Variants in MTMR1 observed in about 807,000 individuals in gnomAD.
MTMR1 encodes phosphatidylinositol-3-phosphate phosphatase MTMR1.
MTMR1 carries 17 observed loss-of-function variants against 51.6 expected under a neutral mutation model. The observed-to-expected ratio is 0.33, with a 90% confidence interval of 0.23 to 0.49. MTMR1 has a LOEUF of 0.49. MTMR1 is among the 20% of genes least tolerant of loss of function. MTMR1 has a pLI of 0.99. For synonymous variants in MTMR1, 201 were observed against 205.6 expected (o/e 0.98, Z 0.19); for missense variants, 386 against 526.9 (o/e 0.73, Z 2.62).
chrX:150,762,751 T>C lies in MTMR1; in HGVS notation c.*22T>C. 1 of 1,150,753 alleles carries C rather than the reference T, an allele frequency of 8.7e-7. No individual in the cohort carries two copies. The allele number at this position is 1,150,753 out of a possible 1,213,427, so 94.8% of individuals were successfully genotyped here. On this transcript the variant is annotated 3_prime_UTR_variant, in exon 16 of 16. Coordinates refer to ENST00000445323, the MANE Select transcript of MTMR1 (RefSeq NM_001306144.3). Reference sequence around the variant, plus strand: ...CTGATGGGCGAGGTCAGCCTGCTGCTCCACTGTCTCCCGGTGGCTCAGGAA... The same window carrying C: ...CTGATGGGCGAGGTCAGCCTGCTGCCCCACTGTCTCCCGGTGGCTCAGGAA...
intron 13 of MTMR1, among the ~76,000 whole-genome samples, chrX:150,745,442 A>G (rs180887255): frequency 7.0e-4 from 78 of 111,510 alleles, no homozygotes; most frequent in African/African-American, 2.4e-3. Context: ...CTCTTGATTG[A>G]TCCTCCCGCA....
chrX:150,742,605 A>G (rs905236667), intron 12 of MTMR1, among the ~76,000 whole-genome samples: 1 of 110,398 alleles, frequency 9.1e-6, no homozygotes, highest in South Asian at 3.8e-4. Context: ...TCACGAGGTC[A>G]GGAGATCGAG....
At chrX:150,713,787 C>T (rs1557416300) in intron 3 of MTMR1, among the ~76,000 whole-genome samples, 2 of 111,239 alleles carry the variant, frequency 1.8e-5, no homozygotes, top group African/African-American at 6.5e-5. Context: ...AGATGTGTGG[C>T]CTTTTAGCTG....
intron 13 of MTMR1, among the ~76,000 whole-genome samples, chrX:150,747,996 T>C (rs2042623312): frequency 8.9e-6 from 1 of 112,053 alleles, no homozygotes; most frequent in Non-Finnish European, 1.9e-5. Context: ...AAATCCAACA[T>C]CAAGGCCCCA....
intron 11 of MTMR1, 138 bp downstream of exon 11, chrX:150,736,918 C>G: frequency 6.1e-6 from 4 of 650,642 alleles, no homozygotes; most frequent in Non-Finnish European, 8.8e-6. Context: ...CAGCATCAGA[C>G]TGGGGTCTTT....
chrX:150,740,304 G>A (rs973036819), intron 12 of MTMR1, among the ~76,000 whole-genome samples: 7 of 111,672 alleles, frequency 6.3e-5, no homozygotes, highest in Middle Eastern at 4.7e-3. Flanking sequence ...TCGTGTCACC[G>A]TCATCACTTG....
Position 150,736,796 on chromosome X carries a change from A to T in MTMR1, c.1266+16A>T. On this transcript the variant is annotated intron_variant, in intron 11 of 15. Coordinates refer to ENST00000445323, the MANE Select transcript of MTMR1 (RefSeq NM_001306144.3). ...ATATATAAGGGTAAAGAGATCCAGC[A>T]CTTTATATGCTTTCCAGTTAAGACT... 2.6e-6 allele frequency: 3 copies of T among 1,174,572 alleles called. No homozygotes were observed. The highest frequency in any genetic ancestry group is 3.4e-6 in the Non-Finnish European group (3 of 873,421).
At chrX:150,694,696 C>A (rs2040608882) in intron 1 of MTMR1, among the ~76,000 whole-genome samples, 1 of 112,437 alleles carries the variant, frequency 8.9e-6, no homozygotes, top group South Asian at 3.7e-4. Flanking sequence ...CACTGAAAAC[C>A]AGTCACAGCT....
At chrX:150,716,793 A>G (rs2041533043) in intron 3 of MTMR1, among the ~76,000 whole-genome samples, 1 of 112,814 alleles carries the variant, frequency 8.9e-6, no homozygotes, top group African/African-American at 3.2e-5. Flanking sequence ...AATAAAACAT[A>G]GTGAAATATT....
intron 3 of MTMR1, among the ~76,000 whole-genome samples, chrX:150,716,119 T>C (rs1490217982): frequency 1.8e-5 from 2 of 112,862 alleles, no homozygotes; most frequent in Admixed American, 9.4e-5. Flanking sequence ...TTAGTAATTA[T>C]ATTTCAAAAT....
intron 3 of MTMR1, among the ~76,000 whole-genome samples, chrX:150,715,504 A>G (rs2041477240): frequency 8.9e-6 from 1 of 112,405 alleles, no homozygotes; most frequent in African/African-American, 3.2e-5. Context: ...TGTGCTGAAC[A>G]TGGGTTGGAT....
At position 150,700,651 on chromosome X, in the gene MTMR1, C is replaced by T. The variant is rs148311902; in HGVS notation, c.252+1351C>T. 9.4e-3 allele frequency among the ~76,000 whole-genome samples: 1,062 copies of T among 112,624 alleles called. 16 individuals are homozygous for T. Among genetic ancestry groups the T allele is most frequent in the African/African-American group, 0.032 (984 of 31,002 alleles). ...GGCTGGTCACTGAGCAGCTGCGGATCGCATCAGTTCCAGTTGCCCTATTGC... is the reference window on the plus strand; with the variant it reads ...GGCTGGTCACTGAGCAGCTGCGGATTGCATCAGTTCCAGTTGCCCTATTGC... On this transcript the variant is annotated intron_variant, in intron 2 of 15. Transcript: ENST00000445323.
chrX:150,708,153 G>A (rs1332554964), intron 2 of MTMR1, among the ~76,000 whole-genome samples: 1 of 111,733 alleles, frequency 8.9e-6, no homozygotes. Context: ...TCTGCATCTT[G>A]ATTGTAATCA....
chrX:150,733,273 C>T (rs1557417063), intron 10 of MTMR1, among the ~76,000 whole-genome samples: 1 of 111,657 alleles, frequency 9.0e-6, no homozygotes, highest in Non-Finnish European at 1.9e-5. Flanking sequence ...TGGCCTTCTC[C>T]ATCTCCTTCA....
chrX:150,745,110 TGTC>T (rs2042541032), intron 13 of MTMR1, among the ~76,000 whole-genome samples: 1 of 112,394 alleles, frequency 8.9e-6, no homozygotes, highest in African/African-American at 3.2e-5. Context: ...ACTGTTTTGT[TGTC>T]GTTGTTTTCC....
At chrX:150,695,090 A>G (rs2040623895) in intron 1 of MTMR1, among the ~76,000 whole-genome samples, 1 of 112,216 alleles carries the variant, frequency 8.9e-6, no homozygotes, top group African/African-American at 3.2e-5. Flanking sequence ...CCATACAGAT[A>G]CCTGGGGGTG....
chrX:150,714,570 C>T lies in MTMR1; in HGVS notation c.276+2205C>T, dbSNP rs578154282. The T allele has an allele frequency of 7.5e-4, 693 of 926,688 alleles. 5 individuals are homozygous for T. The South Asian group carries it at 0.012, about 16-fold the overall frequency. 76.4% of individuals were successfully genotyped at this position (926,688 alleles called of 1,213,427 possible). On this transcript the variant is annotated intron_variant, in intron 3 of 15. Transcript: ENST00000445323. Reference sequence around the variant, plus strand: ...TGTTCATCTGTTTGTAGCTACAGATCGTGTATTTAGAAGCCATTTCATTCT... The same window carrying T: ...TGTTCATCTGTTTGTAGCTACAGATTGTGTATTTAGAAGCCATTTCATTCT...
At position 150,731,523 on chromosome X, in the gene MTMR1, C is replaced by T; in HGVS notation, c.795C>T (p.Phe265=). 8.3e-7 allele frequency: 1 copy of T among 1,207,138 alleles called. No homozygotes were observed. Among genetic ancestry groups the T allele is most frequent in the Non-Finnish European group, 1.1e-6 (1 of 892,602 alleles). The change falls in exon 9 of 16, where the codon TTC becomes TTT. Residue 265 remains phenylalanine (F), a synonymous_variant. Coordinates refer to ENST00000445323, the MANE Select transcript of MTMR1 (RefSeq NM_001306144.3). Reference sequence around the variant, plus strand: ...CCAAAATAAACAGTAATTATGAGTTCTGTGACACCTACCCTGCCATCATTG... The same window carrying T: ...CCAAAATAAACAGTAATTATGAGTTTTGTGACACCTACCCTGCCATCATTG... ...KISKINSNYE[F]CDTYPAIIVV...
Position 150,712,365 on chromosome X carries a change from G to T in MTMR1, c.276G>T (p.Arg92Ser), listed in dbSNP as rs2041343275. 8.6e-7 allele frequency: 1 copy of T among 1,164,296 alleles called. No homozygotes were observed. Among genetic ancestry groups the T allele is most frequent in the Admixed American group, 2.6e-5 (1 of 38,603 alleles). The change falls in exon 3 of 16, where the codon AGG becomes AGT. Residue 92 changes from arginine to serine, a missense_variant and splice_region_variant. Arg to Ser is a moderately radical substitution (Grantham distance 110). Coordinates refer to ENST00000445323, the MANE Select transcript of MTMR1 (RefSeq NM_001306144.3). ...DYKVFRRPDL[R>S]ALRDGNKLAQ... Reference sequence around the variant, plus strand: ...AGGTTTTCAGGAGGCCTGATCTAAGGGTAAGGATATTTGGCTTTCAGCGGA... The same window carrying T: ...AGGTTTTCAGGAGGCCTGATCTAAGTGTAAGGATATTTGGCTTTCAGCGGA...
Sources: gnomAD v4.1 joint callset for allele counts (sites outside exome capture counted in the v4.1 genomes callset) on GRCh38, gnomAD v4.1.1 for gene constraint, MANE v1.5 for transcripts, NCBI Gene and HGNC (gene_info 2026-07-23, HGNC 2026-07-21) for gene names.